LRRTM4: variants seen among roughly 807,000 people sequenced by gnomAD.
The protein encoded by LRRTM4 is leucine rich repeat transmembrane neuronal 4.
LRRTM4 carries 25 observed loss-of-function variants against 47.6 expected under a neutral mutation model. The ratio of observed to expected loss-of-function variants is 0.53; its 90% CI spans 0.38 to 0.73. LRRTM4 has a LOEUF of 0.73. Ranked by LOEUF, LRRTM4 falls within the 30% of genes least tolerant of loss-of-function variation. LRRTM4 has a pLI of 0.00. For missense variants in LRRTM4, 638 were observed against 713.4 expected (o/e 0.89, Z 1.20); for synonymous variants, 311 against 269.5 (o/e 1.15, Z -1.51).
chr2:76,994,045 C>T (rs2104000450), intron 3 of LRRTM4, among the ~76,000 whole-genome samples: 1 of 151,878 alleles, frequency 6.6e-6, no homozygotes, highest in South Asian at 2.1e-4. Flanking sequence ...TTATAAGTGG[C>T]AGCTAAACAT....
At position 76,982,611 on chromosome 2, in the gene LRRTM4, A is replaced by G. The variant is rs145765752; in HGVS notation, c.1552-233695T>C. 3.8e-3 allele frequency among the ~76,000 whole-genome samples: 573 copies of G among 152,172 alleles called. 1 individual carries two copies. Among genetic ancestry groups the G allele is most frequent in the African/African-American group, 0.013 (548 of 41,550 alleles). ...CTGGGTGGTAGAATATGACTTAGTC[A>G]TGATGCTGCAGTGTGTGAGGAACCA... On this transcript the variant is annotated intron_variant, in intron 3 of 3. Transcript: ENST00000409884.
intron 3 of LRRTM4, among the ~76,000 whole-genome samples, chr2:76,793,702 CA>C (rs2103726850): frequency 6.6e-6 from 1 of 152,218 alleles, no homozygotes; most frequent in South Asian, 2.1e-4. Context: ...CCAGCCTTTG[CA>C]AAGTGTCTTC....
chr2:77,337,556 G>A (rs963640785), intron 3 of LRRTM4, among the ~76,000 whole-genome samples: 21 of 152,048 alleles, frequency 1.4e-4, no homozygotes, highest in East Asian at 3.9e-4. Context: ...ACAAGTTTTC[G>A]TGAGATCTGG....
intron 3 of LRRTM4, among the ~76,000 whole-genome samples, chr2:77,165,165 T>A (rs1409283773): frequency 6.6e-6 from 1 of 152,042 alleles, no homozygotes; most frequent in Non-Finnish European, 1.5e-5. Flanking sequence ...AGAAATACTA[T>A]CAGAGAATAC....
chr2:77,404,769 C>T (rs773164659), intron 3 of LRRTM4, among the ~76,000 whole-genome samples: 3 of 152,068 alleles, frequency 2.0e-5, no homozygotes, highest in Non-Finnish European at 4.4e-5. Context: ...ATTCAGTTAA[C>T]TCAACACATT....
chr2:77,069,426 TG>T (rs1680074994), intron 3 of LRRTM4, among the ~76,000 whole-genome samples: 1 of 151,674 alleles, frequency 6.6e-6, no homozygotes, highest in African/African-American at 2.4e-5. Flanking sequence ...TGTGTGTGTG[TG>T]TGTGTGTGTG....
intron 3 of LRRTM4, among the ~76,000 whole-genome samples, chr2:76,965,729 T>C (rs181938319): frequency 1.1e-4 from 17 of 151,560 alleles, no homozygotes; most frequent in Admixed American, 8.6e-4. Context: ...TAACATGTTC[T>C]AACTGTAAAA....
At chr2:76,913,156 C>A (rs1297319245) in intron 3 of LRRTM4, among the ~76,000 whole-genome samples, 1 of 152,100 alleles carries the variant, frequency 6.6e-6, no homozygotes, top group African/African-American at 2.4e-5. Context: ...GTCTTTCCTG[C>A]TTTGCTTGTC....
chr2:76,998,432 A>G (rs1168320069), intron 3 of LRRTM4, among the ~76,000 whole-genome samples: 2 of 152,120 alleles, frequency 1.3e-5, no homozygotes, highest in East Asian at 1.9e-4. Flanking sequence ...TCTACTATCT[A>G]TATTATAATC....
intron 3 of LRRTM4, among the ~76,000 whole-genome samples, chr2:77,390,016 A>C (rs1302838348): frequency 6.6e-6 from 1 of 152,098 alleles, no homozygotes. Context: ...TTGACCTTTC[A>C]CAAACAACAC....
In LRRTM4 at chr2:77,254,078, A is replaced by G. The variant is rs1675696800; in HGVS notation, c.1551+264240T>C. Among the ~76,000 whole-genome samples the G allele has an allele frequency of 1.3e-5, 2 of 152,090 alleles. 1 individual carries two copies. The highest frequency in any genetic ancestry group is 4.1e-4 in the South Asian group (2 of 4,828). ...TACATCATACATACATATACACACAACTATATAGGTGTACACACATATGTA... is the reference window on the plus strand; with the variant it reads ...TACATCATACATACATATACACACAGCTATATAGGTGTACACACATATGTA... On this transcript the variant is annotated intron_variant, in intron 3 of 3. Coordinates refer to ENST00000409884, the MANE Select transcript of LRRTM4 (RefSeq NM_001134745.3).
intron 3 of LRRTM4, among the ~76,000 whole-genome samples, chr2:76,924,305 C>T (rs1215124003): frequency 6.6e-6 from 1 of 152,000 alleles, no homozygotes; most frequent in African/African-American, 2.4e-5. Flanking sequence ...AAACTATTTT[C>T]CTCAACTCTT....
chr2:77,317,056 A>G (rs1484624643), intron 3 of LRRTM4, among the ~76,000 whole-genome samples: 1 of 152,214 alleles, frequency 6.6e-6, no homozygotes, highest in Admixed American at 6.5e-5. Context: ...TTGTAAAATT[A>G]TACAAGGGAA....
At chr2:76,776,237 T>C (rs1673986209) in intron 3 of LRRTM4, among the ~76,000 whole-genome samples, 1 of 152,222 alleles carries the variant, frequency 6.6e-6, no homozygotes, top group African/African-American at 2.4e-5. Flanking sequence ...TGTGTCTTTA[T>C]AGCAGCATGA....
intron 3 of LRRTM4, among the ~76,000 whole-genome samples, chr2:76,811,771 C>T (rs573760292): frequency 1.3e-5 from 2 of 152,232 alleles, no homozygotes; most frequent in African/African-American, 4.8e-5. Context: ...TTTTATTTTA[C>T]CTGTCCTGAA....
At chr2:77,089,621 G>A (rs1168615155) in intron 3 of LRRTM4, among the ~76,000 whole-genome samples, 2 of 150,568 alleles carry the variant, frequency 1.3e-5, no homozygotes, top group East Asian at 4.0e-4. Flanking sequence ...CTCTAGGCTT[G>A]CTTCCTTCAC....
At chr2:77,007,199 C>T (rs1677688357) in intron 3 of LRRTM4, among the ~76,000 whole-genome samples, 1 of 151,822 alleles carries the variant, frequency 6.6e-6, no homozygotes, top group Non-Finnish European at 1.5e-5. Flanking sequence ...TATATATGCA[C>T]ACACAAGATG....
chr2:77,446,381 G>T (rs1348587697), intron 3 of LRRTM4, among the ~76,000 whole-genome samples: 4 of 151,736 alleles, frequency 2.6e-5, no homozygotes, highest in African/African-American at 9.7e-5. Context: ...ATCCTCTGGG[G>T]GTCAGGAGGC....
At chr2:77,139,313 G>A (rs1672045570) in intron 3 of LRRTM4, among the ~76,000 whole-genome samples, 1 of 152,134 alleles carries the variant, frequency 6.6e-6, no homozygotes, top group Admixed American at 6.5e-5. Context: ...TGCAAGGCTG[G>A]TTCAACATAC....
Sources: allele counts gnomAD v4.1 joint callset (sites outside exome capture counted in the v4.1 genomes callset), GRCh38; gene constraint gnomAD v4.1.1; transcripts MANE v1.5; gene names NCBI Gene and HGNC (gene_info 2026-07-23, HGNC 2026-07-21).